The following ZNF562 variants were observed in gnomAD, a reference collection of about 807,000 sequenced individuals.
The protein encoded by ZNF562 is zinc finger protein 562.
A neutral mutation model predicts 17.5 loss-of-function variants in ZNF562; 13 were observed. The ratio of observed to expected loss-of-function variants is 0.74; its 90% CI spans 0.48 to 1.18. ZNF562 has a LOEUF of 1.18. Ranked by LOEUF, ZNF562 falls within the 50% of genes most tolerant of loss-of-function variation. The pLI is 0.00. For missense variants in ZNF562, 481 were observed against 498.5 expected (o/e 0.96, Z 0.33); for synonymous variants, 163 against 165.4 (o/e 0.99, Z 0.11).
chr19:9,665,586 C>T (rs368747458), intron 1 of ZNF562, among the ~76,000 whole-genome samples: 1 of 152,158 alleles, frequency 6.6e-6, no homozygotes, highest in Non-Finnish European at 1.5e-5. Flanking sequence ...CTACACAGGT[C>T]CCCTGGGCAG....
chr19:9,660,677 C>A (rs774978310), intron 2 of ZNF562, 43 bp downstream of exon 2: 8 of 1,607,708 alleles, frequency 5.0e-6, no homozygotes, highest in Non-Finnish European at 6.8e-6. Flanking sequence ...TGGAGGGCGA[C>A]CTAAAGCAGA....
rs753312391 is a variant in ZNF562 at position 9,659,447 on chromosome 19, T to C, written c.46A>G (p.Ile16Val). 2 of 1,551,440 alleles carry C rather than the reference T, an allele frequency of 1.3e-6. No homozygotes were observed. Among genetic ancestry groups the C allele is most frequent in the South Asian group, 1.2e-5 (1 of 84,054 alleles). Residue 16 changes from isoleucine (I) to valine (V), a missense_variant, in exon 3 of 6, where the codon ATC (isoleucine) becomes GTC (valine). Transcript: ENST00000453372. The stretch of plus-strand genomic sequence containing the variant: ...TTTGTCTTTTCTTCAAAAGGACAGA[T>C]TGGTTCCCTGGGAAAAAACCCTAGT... Reference protein sequence around the residue: ...MSHGFFPREPICPFEEKTKIG... With the variant: ...MSHGFFPREPVCPFEEKTKIG...
At chr19:9,669,902 A>C (rs1568282392) in intron 1 of ZNF562, among the ~76,000 whole-genome samples, 1 of 151,942 alleles carries the variant, frequency 6.6e-6, no homozygotes, top group Non-Finnish European at 1.5e-5. Context: ...TCTCTACTGA[A>C]AATACAAAAA....
In ZNF562 at chr19:9,659,378, C is replaced by T. The variant is rs2043637287; in HGVS notation, c.114+1G>A. 2 of 1,550,430 alleles carry T rather than the reference C, an allele frequency of 1.3e-6. No homozygotes were observed. The highest frequency in any genetic ancestry group is 1.4e-5 in the African/African-American group (1 of 73,000). On this transcript the variant is annotated splice_donor_variant, in intron 3 of 5. Coordinates refer to ENST00000453372, the MANE Select transcript of ZNF562 (RefSeq NM_001130031.2). LOFTEE classifies it high-confidence loss of function. ...TGTACAACGGTACATTTTCTGTTTA[C>T]CTGGTAAGAATTTGACCGGTGGTCC...
chr19:9,659,921 G>A (rs1286036886), intron 2 of ZNF562, among the ~76,000 whole-genome samples: 12 of 87,574 alleles, frequency 1.4e-4, no homozygotes, highest in Non-Finnish European at 1.6e-4. Flanking sequence ...GCAAAACCCC[G>A]TCTCTACTAA....
chr19:9,645,039 A>G lies in ZNF562; in HGVS notation c.*7910T>C, dbSNP rs1218136592. On this transcript the variant is annotated 3_prime_UTR_variant, in exon 6 of 6. Transcript: ENST00000453372. The stretch of plus-strand genomic sequence containing the variant: ...TGGGAGATGCCCAGTCTCTCTGTGA[A>G]CATTGACAGAATTTTTTTTTTTTTT... 6.6e-6 allele frequency: 1 copy of G among 151,710 alleles called. No individual in the cohort carries two copies. Among genetic ancestry groups the G allele is most frequent in the African/African-American group, 2.4e-5 (1 of 41,186 alleles). The allele number at this position is 151,710 out of a possible 1,614,324, so 9.4% of individuals were successfully genotyped here.
At chr19:9,670,224 G>A (rs2044133787) in intron 1 of ZNF562, among the ~76,000 whole-genome samples, 1 of 151,812 alleles carries the variant, frequency 6.6e-6, no homozygotes, top group Non-Finnish European at 1.5e-5. Flanking sequence ...GGGTGACACA[G>A]CAAGACTATC....
rs1006845141 is a variant in ZNF562 at position 9,647,956 on chromosome 19, G to C, written c.*4993C>G. On this transcript the variant is annotated 3_prime_UTR_variant, in exon 6 of 6. Coordinates refer to ENST00000453372, the MANE Select transcript of ZNF562 (RefSeq NM_001130031.2). Reference sequence around the variant, plus strand: ...AGATGTGGTTTCGCTATGTTGCCCAGGCTGGTTTGAACTCCTTGGCTCAAG... The same window carrying C: ...AGATGTGGTTTCGCTATGTTGCCCACGCTGGTTTGAACTCCTTGGCTCAAG... 2.0e-5 allele frequency: 3 copies of C among 152,162 alleles called. No individual in the cohort carries two copies. Among genetic ancestry groups the C allele is most frequent in the Non-Finnish European group, 4.4e-5 (3 of 68,040 alleles). 9.4% of individuals were successfully genotyped at this position (152,162 alleles called of 1,614,324 possible).
Position 9,641,977 on chromosome 19 carries a change from C to T in ZNF562, c.*10972G>A, listed in dbSNP as rs1417069404. 1 of 150,304 alleles carries T rather than the reference C, an allele frequency of 6.7e-6. No homozygotes were observed. The highest frequency in any genetic ancestry group is 1.5e-5 in the Non-Finnish European group (1 of 67,758). 9.3% of individuals were successfully genotyped at this position (150,304 alleles called of 1,614,324 possible). A position where few individuals can be genotyped will look rare whatever the true frequency, so the allele number is the denominator to read the frequency against. On this transcript the variant is annotated 3_prime_UTR_variant, in exon 6 of 6. Coordinates refer to ENST00000453372, the MANE Select transcript of ZNF562 (RefSeq NM_001130031.2). Reference sequence around the variant, plus strand: ...GGGTGGACGTTACAAAGTACATTCTCAAGGGCGGGGAGGATGTTACAAAGT... The same window carrying T: ...GGGTGGACGTTACAAAGTACATTCTTAAGGGCGGGGAGGATGTTACAAAGT...
rs550887886 is a variant in ZNF562 at position 9,643,827 on chromosome 19, G to A, written c.*9122C>T. On this transcript the variant is annotated 3_prime_UTR_variant, in exon 6 of 6. Coordinates refer to ENST00000453372, the MANE Select transcript of ZNF562 (RefSeq NM_001130031.2). ...ACTATTATACTTAGCGCATTTTTTT[G>A]TTTGTTTGTTTTTTGAGACAGTCTT... 1 of 151,268 alleles carries A rather than the reference G, an allele frequency of 6.6e-6. No individual in the cohort carries two copies. The highest frequency in any genetic ancestry group is 6.6e-5 in the Admixed American group (1 of 15,180). The allele number at this position is 151,268 out of a possible 1,614,324, so 9.4% of individuals were successfully genotyped here.
At position 9,653,339 on chromosome 19, in the gene ZNF562, A is replaced by G. The variant is rs373349338; in HGVS notation, c.891T>C (p.Phe297=). ...SFECKECGRS[F]RNSSSFNVHI... is the part of the protein sequence containing the mutation. ...GAACATTAAAGGATGAGGAATTTCTAAAGGATCTTCCACATTCTTTACATT... is the reference window on the plus strand; with the variant it reads ...GAACATTAAAGGATGAGGAATTTCTGAAGGATCTTCCACATTCTTTACATT... The change falls in exon 6 of 6, where the codon TTT becomes TTC. Residue 297 remains phenylalanine, a synonymous_variant. Coordinates refer to ENST00000453372, the MANE Select transcript of ZNF562 (RefSeq NM_001130031.2). The G allele has an allele frequency of 1.8e-5, 29 of 1,613,908 alleles. No homozygotes were observed. Among genetic ancestry groups the G allele is most frequent in the Middle Eastern group, 3.3e-4 (2 of 6,082 alleles).
At chr19:9,664,361 C>T (rs112132717) in intron 1 of ZNF562, among the ~76,000 whole-genome samples, 4,112 of 152,206 alleles carry the variant, frequency 0.027, 187 homozygotes, top group African/African-American at 0.093. Flanking sequence ...CTTGTTTTAA[C>T]GTTCCTTAAA....
At chr19:9,663,463 A>G (rs181251838) in intron 1 of ZNF562, among the ~76,000 whole-genome samples, 1 of 151,514 alleles carries the variant, frequency 6.6e-6, no homozygotes, top group East Asian at 1.9e-4. Flanking sequence ...ACTCCACACC[A>G]TTGCCTCCAG....
At chr19:9,656,871 A>AAAAAAATATATATAT (rs376933513) in intron 4 of ZNF562, among the ~76,000 whole-genome samples, 1 of 142,436 alleles carries the variant, frequency 7.0e-6, no homozygotes, top group African/African-American at 2.6e-5. Context: ...AAAATACAAA[A>AAAAAAATATATATAT]ATATATATAT....
In ZNF562 at chr19:9,646,939, T is replaced by C. The variant is rs2074811263; in HGVS notation, c.*6010A>G. 1 of 151,374 alleles carries C rather than the reference T, an allele frequency of 6.6e-6. No homozygotes were observed. The highest frequency in any genetic ancestry group is 2.4e-5 in the African/African-American group (1 of 41,174). 9.4% of individuals were successfully genotyped at this position (151,374 alleles called of 1,614,324 possible). The stretch of plus-strand genomic sequence containing the variant: ...GGCGCCCGCCAACTCACCTGGCTAA[T>C]TTTATTTTTTGAATTTTTAGTAGAG... On this transcript the variant is annotated 3_prime_UTR_variant, in exon 6 of 6. Transcript: ENST00000453372.
At chr19:9,655,698 G>A (rs1405451055) in intron 5 of ZNF562, among the ~76,000 whole-genome samples, 1 of 136,386 alleles carries the variant, frequency 7.3e-6, no homozygotes, top group Non-Finnish European at 1.5e-5. Flanking sequence ...GGGATTACAG[G>A]ATTCACTTTC....
rs752285905 is a variant in ZNF562, at chr19:9,660,719, C to A, written c.25+1G>T. 8.7e-6 allele frequency: 14 copies of A among 1,613,244 alleles called. No homozygotes were observed. Among genetic ancestry groups the A allele is most frequent in the South Asian group, 5.5e-5 (5 of 91,014 alleles). ...GAAAAAGAGCATCAACAAGGACTTA[C>A]CATGGGACATATCAAAGGCTGACAT... is the stretch of plus-strand genomic sequence containing the variant. On this transcript the variant is annotated splice_donor_variant, in intron 2 of 5. Transcript: ENST00000453372. LOFTEE classifies it high-confidence loss of function.
chr19:9,665,274 A>G (rs1165811410), intron 1 of ZNF562, among the ~76,000 whole-genome samples: 1 of 151,818 alleles, frequency 6.6e-6, no homozygotes, highest in Non-Finnish European at 1.5e-5. Context: ...AAAAAACTCC[A>G]AGGAGATGGT....
chr19:9,647,503 T>C lies in ZNF562; in HGVS notation c.*5446A>G, dbSNP rs1472329765. On this transcript the variant is annotated 3_prime_UTR_variant, in exon 6 of 6. Coordinates refer to ENST00000453372, the MANE Select transcript of ZNF562 (RefSeq NM_001130031.2). Reference sequence around the variant, plus strand: ...ACTGAGCTTCCCAGTGTGCTGGGATTAAAAGTGTGAGCCACTATGACCAGC... The same window carrying C: ...ACTGAGCTTCCCAGTGTGCTGGGATCAAAAGTGTGAGCCACTATGACCAGC... 2.0e-5 allele frequency: 3 copies of C among 152,128 alleles called. No homozygotes were observed. Among genetic ancestry groups the C allele is most frequent in the Non-Finnish European group, 4.4e-5 (3 of 68,050 alleles). The allele number at this position is 152,128 out of a possible 1,614,324, so 9.4% of individuals were successfully genotyped here. A position where few individuals can be genotyped will look rare whatever the true frequency, so the allele number is the denominator to read the frequency against.
Sources: gnomAD v4.1 joint callset for allele counts (sites outside exome capture counted in the v4.1 genomes callset) on GRCh38, gnomAD v4.1.1 for gene constraint, MANE v1.5 for transcripts, NCBI Gene and HGNC (gene_info 2026-07-23, HGNC 2026-07-21) for gene names.